Variants in STX12 observed in about 807,000 individuals in gnomAD.
STX12 encodes the protein syntaxin-12.
A neutral mutation model predicts 42.2 loss-of-function variants in STX12; 17 were observed. The ratio of observed to expected loss-of-function variants is 0.40; its 90% CI spans 0.28 to 0.60. STX12 has a LOEUF of 0.60. STX12 is among the 20% of genes least tolerant of loss of function. The probability of loss-of-function intolerance (pLI) is 0.39; values close to 1 mark genes in which losing one functional copy is unlikely to be tolerated. For missense variants in STX12, 297 were observed against 330.9 expected, an observed-to-expected ratio of 0.90 and a Z score of 0.79; for synonymous variants, 108 against 116.7, an observed-to-expected ratio of 0.93 and a Z score of 0.48.
rs2088996721 is a variant in STX12, at chr1:27,823,215, T to C, written c.*886T>C. ...CTACATTCCTGGTGAATGATGAATG[T>C]TGCTGTCAAAGGGCTGCCCCCTACC... On this transcript the variant is annotated 3_prime_UTR_variant, in exon 9 of 9. Transcript: ENST00000373943. The C allele has an allele frequency of 6.6e-6, 1 of 152,242 alleles. No individual in the cohort carries two copies. The highest frequency in any genetic ancestry group is 1.5e-5 in the Non-Finnish European group (1 of 68,042). The allele number at this position is 152,242 out of a possible 1,614,324, so 9.4% of individuals were successfully genotyped here.
At position 27,810,244 on chromosome 1, in the gene STX12, A is replaced by G; in HGVS notation, c.427-2A>G. 1 of 1,613,670 alleles carries G rather than the reference A, an allele frequency of 6.2e-7. No individual in the cohort carries two copies. Among genetic ancestry groups the G allele is most frequent in the Non-Finnish European group, 8.5e-7 (1 of 1,179,708 alleles). ...GCAGCAATAATACCATCTACTTTCT[A>G]GGCAGAAGAGAGGCAAAGAGAGGAG... On this transcript the variant is annotated splice_acceptor_variant, in intron 4 of 8. Transcript: ENST00000373943. LOFTEE classifies it high-confidence loss of function.
At chr1:27,792,287 G>GTATCTATATATATGTATATAC (rs2088753505) in intron 2 of STX12, among the ~76,000 whole-genome samples, 1 of 71,886 alleles carries the variant, frequency 1.4e-5, no homozygotes, top group African/African-American at 1.6e-4. Flanking sequence ...TATATATGTA[G>GTATCTATATATATGTATATAC]ATACATATAT....
chr1:27,808,146 A>G (rs1557805295), intron 4 of STX12, among the ~76,000 whole-genome samples: 2 of 152,126 alleles, frequency 1.3e-5, no homozygotes, highest in Admixed American at 1.3e-4. Context: ...ATCTGGGGAA[A>G]AAGATAAAGT....
At chr1:27,799,307 G>A (rs2088810255) in intron 3 of STX12, among the ~76,000 whole-genome samples, 1 of 152,058 alleles carries the variant, frequency 6.6e-6, no homozygotes, top group Non-Finnish European at 1.5e-5. Flanking sequence ...TTGAATTAGT[G>A]TTCTGTTTGA....
chr1:27,804,523 T>G lies in STX12; in HGVS notation c.426+2708T>G, dbSNP rs570416286. Among the ~76,000 whole-genome samples the G allele has an allele frequency of 3.9e-4, 59 of 150,700 alleles. 4 individuals carry two copies. The South Asian group carries it at 0.012, about 31-fold the overall frequency. ...CTGTTCTCACTCTGCTATAAAGAAC[T>G]GCCCGAAGCTGGGCGTGGTGGCTCA... On this transcript the variant is annotated intron_variant, in intron 4 of 8. Transcript: ENST00000373943.
intron 4 of STX12, among the ~76,000 whole-genome samples, chr1:27,809,614 G>A (rs931954612): frequency 1.4e-4 from 21 of 151,704 alleles, no homozygotes; most frequent in East Asian, 9.9e-4. Context: ...CCGCCACCAC[G>A]TCCAGCTAAT....
intron 2 of STX12, among the ~76,000 whole-genome samples, chr1:27,790,720 TC>T (rs1303806509): frequency 6.6e-6 from 1 of 152,138 alleles, no homozygotes; most frequent in African/African-American, 2.4e-5. Context: ...GGCGGGCAGA[TC>T]ACCTGAGGTC....
intron 1 of STX12, among the ~76,000 whole-genome samples, chr1:27,783,333 G>T (rs1291633215): frequency 6.6e-6 from 1 of 151,940 alleles, no homozygotes. Flanking sequence ...TTTGTTTTTT[G>T]TTTTTGTTTT....
In STX12 at chr1:27,809,188, G is replaced by C. The variant is rs573490299; in HGVS notation, c.427-1058G>C. Among the ~76,000 whole-genome samples, 20 of 152,084 alleles carry C rather than the reference G, an allele frequency of 1.3e-4. No individual in the cohort carries two copies. In the East Asian group the frequency reaches 3.9e-3, roughly 30 times the overall value. On this transcript the variant is annotated intron_variant, in intron 4 of 8. Transcript: ENST00000373943. Reference sequence around the variant, plus strand: ...GTCTCTACTAAAAATACAAAAATTAGCTGGGCGTGGTGGCGTGCACCTGTA... The same window carrying C: ...GTCTCTACTAAAAATACAAAAATTACCTGGGCGTGGTGGCGTGCACCTGTA...
chr1:27,803,521 G>A (rs1291096706), intron 4 of STX12, among the ~76,000 whole-genome samples: 1 of 152,148 alleles, frequency 6.6e-6, no homozygotes, highest in African/African-American at 2.4e-5. Flanking sequence ...AGAGTTTTCT[G>A]TCAGCACATC....
Position 27,822,644 on chromosome 1 carries a change from C to T in STX12, c.*315C>T, listed in dbSNP as rs565653559. 5.4e-5 allele frequency: 13 copies of T among 242,184 alleles called. No homozygotes were observed. In the East Asian group the frequency reaches 1.1e-3, roughly 21 times the overall value. 15.0% of individuals were successfully genotyped at this position (242,184 alleles called of 1,614,324 possible). On this transcript the variant is annotated 3_prime_UTR_variant, in exon 9 of 9. Transcript: ENST00000373943. Reference sequence around the variant, plus strand: ...GATATTCTTGTTTTGACAAATGACACTACAGTCTCGTAATATTGTCTTTTA... The same window carrying T: ...GATATTCTTGTTTTGACAAATGACATTACAGTCTCGTAATATTGTCTTTTA...
At chr1:27,818,710 A>C (rs542342920) in intron 7 of STX12, among the ~76,000 whole-genome samples, 2 of 151,382 alleles carry the variant, frequency 1.3e-5, no homozygotes, top group Non-Finnish European at 2.9e-5. Context: ...GCTCACCACA[A>C]CCTCCGCCTC....
chr1:27,812,443 G>GT (rs67267768), intron 6 of STX12, among the ~76,000 whole-genome samples, 175 bp downstream of exon 6: 14,609 of 144,456 alleles, frequency 0.1, 2,341 homozygotes, highest in African/African-American at 0.34. Context: ...GGTTTTTTTT[G>GT]TTTTTTTTTT....
At chr1:27,792,042 G>GT (rs1285904840) in intron 2 of STX12, among the ~76,000 whole-genome samples, 1 of 139,326 alleles carries the variant, frequency 7.2e-6, no homozygotes, top group Non-Finnish European at 1.5e-5. Flanking sequence ...TATAAATATA[G>GT]TATATAAATA....
chr1:27,810,370 A>T (rs951549041), intron 5 of STX12, 81 bp downstream of exon 5: 63 of 1,382,826 alleles, frequency 4.6e-5, no homozygotes, highest in Non-Finnish European at 6.0e-5. Context: ...AAAATCAATG[A>T]AAAAATAGAG....
rs1193434137 is a variant in STX12, at chr1:27,822,255, A to G, written c.757A>G (p.Ile253Val). 3.1e-6 allele frequency: 5 copies of G among 1,613,218 alleles called. No homozygotes were observed. Among genetic ancestry groups the G allele is most frequent in the Non-Finnish European group, 3.4e-6 (4 of 1,179,162 alleles). The change falls in exon 9 of 9, where the codon ATC becomes GTC. Residue 253 changes from isoleucine to valine, a missense_variant. Transcript: ENST00000373943. ...GAAAAAATCTCGCAAGAAGATGTGT[A>G]TCCTGGTGCTTGTCCTGTCAGTGAT... Reference protein sequence around the residue: ...YQKKSRKKMCILVLVLSVIIL... With the variant: ...YQKKSRKKMCVLVLVLSVIIL...
In STX12 at chr1:27,811,831, A is replaced by G. The variant is rs547092303; in HGVS notation, c.471-332A>G. 1.4e-3 allele frequency among the ~76,000 whole-genome samples: 214 copies of G among 152,312 alleles called. 2 individuals are homozygous for G. Among genetic ancestry groups the G allele is most frequent in the African/African-American group, 4.9e-3 (203 of 41,566 alleles). On this transcript the variant is annotated intron_variant, in intron 5 of 8. Coordinates refer to ENST00000373943, the MANE Select transcript of STX12 (RefSeq NM_177424.3). ...GAAGATGATGGTGCAACATAATTCA[A>G]TGAGTTCAAATCTCTGGCTACTTTC...
At chr1:27,776,418 A>G (rs1454242238) in intron 1 of STX12, among the ~76,000 whole-genome samples, 1 of 152,118 alleles carries the variant, frequency 6.6e-6, no homozygotes, top group African/African-American at 2.4e-5. Flanking sequence ...CTTTTTATTA[A>G]TATTACAGTT....
chr1:27,816,706 C>G (rs1212357424), intron 6 of STX12, among the ~76,000 whole-genome samples: 1 of 150,946 alleles, frequency 6.6e-6, no homozygotes, highest in Admixed American at 6.6e-5. Flanking sequence ...ATCACGATGT[C>G]AGGAGTTCAA....
Sources: allele counts gnomAD v4.1 joint callset (sites outside exome capture counted in the v4.1 genomes callset), GRCh38; gene constraint gnomAD v4.1.1; transcripts MANE v1.5; gene names NCBI Gene and HGNC (gene_info 2026-07-23, HGNC 2026-07-21).